HCFC2: variants seen among roughly 807,000 people sequenced by gnomAD.
The protein encoded by HCFC2 is host cell factor C2, also known as host cell factor 2.
Under a neutral mutation model 89.2 loss-of-function variants are expected in HCFC2, and 18 were observed. The observed-to-expected ratio is 0.20, with a 90% CI of 0.14 to 0.30. HCFC2 has a LOEUF of 0.30. Ranked by LOEUF, HCFC2 falls within the 10% of genes least tolerant of loss-of-function variation. The pLI, the probability that HCFC2 is intolerant of heterozygous loss-of-function variation, is 1.00. For missense variants in HCFC2, 578 were observed against 956.1 expected (o/e 0.60, Z 5.21); for synonymous variants, 308 against 335.7 (o/e 0.92, Z 0.90).
At position 104,103,152 on chromosome 12, in the gene HCFC2, T is replaced by C. The variant is rs1459666075; in HGVS notation, c.2258T>C (p.Ile753Thr). Residue 753 changes from isoleucine (I) to threonine (T), a missense_variant, in exon 15 of 15, where the codon ATT becomes ACT. By Grantham distance (89) the Ile-to-Thr change is moderately conservative (BLOSUM62 -1). This residue lies in a region of HCFC2 where 140 missense variants were observed against 266.4 expected (regional missense o/e 0.53). Coordinates refer to ENST00000229330, the MANE Select transcript of HCFC2 (RefSeq NM_013320.3). Reference protein sequence around the residue: ...VTAGQLANAHIDYTSRPAIVF... With the variant: ...VTAGQLANAHTDYTSRPAIVF... Reference sequence around the variant, plus strand: ...GCTGGGCAACTTGCAAATGCACATATTGATTATACATCCAGGCCTGCCATT... The same window carrying C: ...GCTGGGCAACTTGCAAATGCACATACTGATTATACATCCAGGCCTGCCATT... 6 of 1,614,138 alleles carry C rather than the reference T, an allele frequency of 3.7e-6. No individual in the cohort carries two copies. Among genetic ancestry groups the C allele is most frequent in the Non-Finnish European group, 5.1e-6 (6 of 1,179,976 alleles).
In HCFC2 at chr12:104,103,278, GT is replaced by G. The variant is rs750538624; in HGVS notation, c.*12del. 1.1e-5 allele frequency: 18 copies of G among 1,598,020 alleles called. No individual in the cohort carries two copies. Among genetic ancestry groups the G allele is most frequent in the South Asian group, 1.1e-4 (10 of 89,598 alleles). On this transcript the variant is annotated 3_prime_UTR_variant, in exon 15 of 15. Transcript: ENST00000229330. ...AAGAAAGCACCTTTAAATTGAATTG[GT>G]TTTTTTACTGAAGCTATTGTGATGA...
At chr12:104,091,798 TA>T (rs1329805140) in intron 9 of HCFC2, among the ~76,000 whole-genome samples, 1 of 152,020 alleles carries the variant, frequency 6.6e-6, no homozygotes, top group Non-Finnish European at 1.5e-5. Flanking sequence ...TCTTCATCTA[TA>T]AAAAAAGGGT....
intron 7 of HCFC2, 69 bp from the exon 8 acceptor site, chr12:104,086,778 C>T (rs1883863039): frequency 2.8e-6 from 4 of 1,424,722 alleles, no homozygotes; most frequent in African/African-American, 2.8e-5. Context: ...CTCTGGTCCA[C>T]ACAAATTATA....
Position 104,103,285 on chromosome 12 carries a change from T to A in HCFC2, c.*12T>A. 3 of 1,592,492 alleles carry A rather than the reference T, an allele frequency of 1.9e-6. No homozygotes were observed. Among genetic ancestry groups the A allele is most frequent in the Non-Finnish European group, 2.6e-6 (3 of 1,163,930 alleles). ...CACCTTTAAATTGAATTGGTTTTTTTACTGAAGCTATTGTGATGATGATTA... is the reference window on the plus strand; with the variant it reads ...CACCTTTAAATTGAATTGGTTTTTTAACTGAAGCTATTGTGATGATGATTA... On this transcript the variant is annotated 3_prime_UTR_variant, in exon 15 of 15. Transcript: ENST00000229330.
At chr12:104,076,394 G>A (rs1343385226) in intron 3 of HCFC2, among the ~76,000 whole-genome samples, 1 of 152,064 alleles carries the variant, frequency 6.6e-6, no homozygotes, top group African/African-American at 2.4e-5. Context: ...TGTTTCTTGT[G>A]TATCTAATTT....
intron 8 of HCFC2, among the ~76,000 whole-genome samples, chr12:104,087,466 CATATATAT>C (rs10548496): frequency 7.2e-6 from 1 of 139,470 alleles, no homozygotes; most frequent in South Asian, 2.2e-4. Context: ...TATATATATA[CATATATAT>C]ATATATATAT....
At chr12:104,067,539 A>G (rs1489224156) in intron 2 of HCFC2, among the ~76,000 whole-genome samples, 2 of 152,234 alleles carry the variant, frequency 1.3e-5, no homozygotes, top group Non-Finnish European at 2.9e-5. Context: ...TTGGAATTTG[A>G]TATGTTAAAT....
At position 104,102,943 on chromosome 12, in the gene HCFC2, T is replaced by TCCC. The variant is rs200215993; in HGVS notation, c.2065-9_2065-7dup. 9.0e-6 allele frequency: 14 copies of TCCC among 1,548,074 alleles called. No individual in the cohort carries two copies. The Admixed American group carries it at 1.2e-4, about 14-fold the overall frequency. On this transcript the variant is annotated splice_polypyrimidine_tract_variant and intron_variant, in intron 14 of 14. Transcript: ENST00000229330. ...ACTTAAGAACCTTTAACCTGTTTTT[T>TCCC]CCCCCCCCCTTCAAGAATGTTGAAG... is the stretch of plus-strand genomic sequence containing the variant.
chr12:104,100,795 C>T (rs2029915377), intron 13 of HCFC2, among the ~76,000 whole-genome samples: 1 of 151,980 alleles, frequency 6.6e-6, no homozygotes, highest in Non-Finnish European at 1.5e-5. Flanking sequence ...TAGTATTATG[C>T]CCAGTGAAAT....
chr12:104,083,141 G>T (rs1883736038), intron 7 of HCFC2, among the ~76,000 whole-genome samples: 1 of 152,170 alleles, frequency 6.6e-6, no homozygotes, highest in Admixed American at 6.5e-5. Context: ...GAAAATAGTA[G>T]CTTTACAGAA....
chr12:104,080,553 AAC>A, intron 4 of HCFC2, 191 bp from the exon 5 acceptor site: 1 of 409,508 alleles, frequency 2.4e-6, no homozygotes, highest in South Asian at 3.0e-5. Context: ...TAACTGTACT[AAC>A]ATTAAGTGTA....
In HCFC2 at chr12:104,103,317, A is replaced by G. The variant is rs1401031075; in HGVS notation, c.*44A>G. 2 of 1,446,050 alleles carry G rather than the reference A, an allele frequency of 1.4e-6. No individual in the cohort carries two copies. Among genetic ancestry groups the G allele is most frequent in the South Asian group, 1.3e-5 (1 of 79,434 alleles). The allele number at this position is 1,446,050 out of a possible 1,614,324, so 89.6% of individuals were successfully genotyped here. On this transcript the variant is annotated 3_prime_UTR_variant, in exon 15 of 15. Transcript: ENST00000229330. ...GCTATTGTGATGATGATTATTTATT[A>G]GTAACTGGTTATGAAGATTTGTCAT...
chr12:104,084,449 C>T (rs542718460), intron 7 of HCFC2, among the ~76,000 whole-genome samples: 11 of 152,182 alleles, frequency 7.2e-5, no homozygotes, highest in African/African-American at 2.6e-4. Context: ...GAGGGAACAG[C>T]ACATACAAGG....
chr12:104,093,979 T>C (rs1593609154), intron 10 of HCFC2, among the ~76,000 whole-genome samples: 1 of 152,156 alleles, frequency 6.6e-6, no homozygotes, highest in African/African-American at 2.4e-5. Context: ...GTTTAGAAGG[T>C]TTCATCTATT....
chr12:104,076,441 T>C (rs1044005267), intron 3 of HCFC2, among the ~76,000 whole-genome samples: 2 of 152,264 alleles, frequency 1.3e-5, no homozygotes, highest in Non-Finnish European at 2.9e-5. Flanking sequence ...AGATTGTCTT[T>C]TGTAAATGGG....
At chr12:104,072,563 A>G (rs1233009128) in intron 3 of HCFC2, among the ~76,000 whole-genome samples, 1 of 151,770 alleles carries the variant, frequency 6.6e-6, no homozygotes, top group Non-Finnish European at 1.5e-5. Flanking sequence ...GTAGTTTTCA[A>G]TGTATGTGTT....
chr12:104,098,518 G>A, intron 13 of HCFC2, 38 bp downstream of exon 13: 1 of 1,527,758 alleles, frequency 6.5e-7, no homozygotes, highest in Non-Finnish European at 8.8e-7. Context: ...TAAATTATAA[G>A]CCTCAAGGAT....
chr12:104,064,822 G>T lies in HCFC2; in HGVS notation c.163+99G>T. On this transcript the variant is annotated intron_variant, in intron 1 of 14. Transcript: ENST00000229330. This position sits in a 1 kb window ranked among gnomAD's most constrained non-coding sequence, Gnocchi z 7.3. Reference sequence around the variant, plus strand: ...CGGCCCTGACAGCTGTCACCGCCCGGTCACTGCTTCCTTGGGCGGGCGGCG... The same window carrying T: ...CGGCCCTGACAGCTGTCACCGCCCGTTCACTGCTTCCTTGGGCGGGCGGCG... 1 of 1,144,034 alleles carries T rather than the reference G, an allele frequency of 8.7e-7. No individual in the cohort carries two copies. Among genetic ancestry groups the T allele is most frequent in the Admixed American group, 3.8e-5 (1 of 25,976 alleles). The allele number at this position is 1,144,034 out of a possible 1,614,324, so 70.9% of individuals were successfully genotyped here. A position where few individuals can be genotyped will look rare whatever the true frequency, so the allele number is the denominator to read the frequency against.
Position 104,104,107 on chromosome 12 carries a change from C to T in HCFC2, c.*834C>T, listed in dbSNP as rs1455789642. ...AACATTTTCATCTGTCTTAATGGCT[C>T]TAATTTTGCTTTTGCTAAAATTAAA... On this transcript the variant is annotated 3_prime_UTR_variant, in exon 15 of 15. Coordinates refer to ENST00000229330, the MANE Select transcript of HCFC2 (RefSeq NM_013320.3). 6.6e-6 allele frequency: 1 copy of T among 151,936 alleles called. No homozygotes were observed. Among genetic ancestry groups the T allele is most frequent in the Non-Finnish European group, 1.5e-5 (1 of 67,900 alleles). 9.4% of individuals were successfully genotyped at this position (151,936 alleles called of 1,614,324 possible). A position where few individuals can be genotyped will look rare whatever the true frequency, so the allele number is the denominator to read the frequency against.
Sources: allele counts gnomAD v4.1 joint callset (sites outside exome capture counted in the v4.1 genomes callset), GRCh38; gene constraint gnomAD v4.1.1; regional missense constraint gnomAD v4.1.1; non-coding constraint Gnocchi (gnomAD v3.1); transcripts MANE v1.5; gene names NCBI Gene and HGNC (gene_info 2026-07-23, HGNC 2026-07-21).